Variants in MGMT observed in about 807,000 individuals in gnomAD.
The protein encoded by MGMT is methylated-DNA--protein-cysteine methyltransferase.
In MGMT, 14 loss-of-function variants were observed where a neutral mutation model predicts 15.9. The ratio of observed to expected loss-of-function variants is 0.88; its 90% CI spans 0.58 to 1.37. The LOEUF (loss-of-function observed/expected upper bound fraction) is 1.37, where lower values mean the gene tolerates loss of function less well. Among genes scored for constraint, MGMT ranks in the 40% most tolerant of loss-of-function variants. MGMT has a pLI of 0.00. For missense variants in MGMT, 282 were observed against 268.1 expected (o/e 1.05, Z -0.36); for synonymous variants, 130 against 118.2 (o/e 1.10, Z -0.65).
chr10:129,564,524 C>T (rs1846325798), intron 2 of MGMT, among the ~76,000 whole-genome samples: 1 of 94,180 alleles, frequency 1.1e-5, no homozygotes, highest in Admixed American at 1.0e-4. Flanking sequence ...CCTCCACTTC[C>T]TCATTTTCCT....
intron 1 of MGMT, among the ~76,000 whole-genome samples, chr10:129,528,008 C>T (rs1489176077): frequency 6.6e-6 from 1 of 152,152 alleles, no homozygotes; most frequent in Non-Finnish European, 1.5e-5. Context: ...TCCAGGAAGC[C>T]TTCCTGGACT....
At chr10:129,661,384 C>T (rs189776767) in intron 2 of MGMT, among the ~76,000 whole-genome samples, 56 of 152,156 alleles carry the variant, frequency 3.7e-4, no homozygotes, top group African/African-American at 1.2e-3. Context: ...AAGGCTGTAC[C>T]AACTCATACT....
At chr10:129,617,963 C>T (rs1847047465) in intron 2 of MGMT, among the ~76,000 whole-genome samples, 1 of 151,228 alleles carries the variant, frequency 6.6e-6, no homozygotes, top group Non-Finnish European at 1.5e-5. Flanking sequence ...CATGAACTTG[C>T]TGTGAGGACC....
chr10:129,470,721 C>G (rs1280637609), intron 1 of MGMT, among the ~76,000 whole-genome samples: 1 of 152,180 alleles, frequency 6.6e-6, no homozygotes, highest in Middle Eastern at 3.2e-3. Context: ...CATGCGGATG[C>G]TCTGAATGGT....
intron 2 of MGMT, among the ~76,000 whole-genome samples, chr10:129,537,331 C>T (rs1248619573): frequency 2.0e-5 from 3 of 152,264 alleles, no homozygotes; most frequent in Middle Eastern, 3.4e-3. Context: ...CACTCGCCTC[C>T]GCTGTCGAGA....
intron 3 of MGMT, among the ~76,000 whole-genome samples, chr10:129,716,608 T>C (rs747006710): frequency 3.9e-5 from 6 of 152,204 alleles, no homozygotes; most frequent in Admixed American, 6.5e-5. Flanking sequence ...ATACTTTTCA[T>C]AGAAAATTCG....
intron 1 of MGMT, among the ~76,000 whole-genome samples, chr10:129,511,052 C>T (rs1317589210): frequency 6.7e-6 from 1 of 149,618 alleles, no homozygotes; most frequent in Non-Finnish European, 1.5e-5. Context: ...CAGATGCAGC[C>T]TGGTGCTTCC....
At chr10:129,630,028 C>T (rs1847192352) in intron 2 of MGMT, among the ~76,000 whole-genome samples, 1 of 152,258 alleles carries the variant, frequency 6.6e-6, no homozygotes, top group Non-Finnish European at 1.5e-5. Flanking sequence ...TGTAAAAGAA[C>T]GTCAGGTGGA....
intron 2 of MGMT, among the ~76,000 whole-genome samples, chr10:129,674,745 G>A (rs1290048534): frequency 6.6e-6 from 1 of 152,232 alleles, no homozygotes; most frequent in African/African-American, 2.4e-5. Flanking sequence ...CCTCCCCTGG[G>A]CTCTATCCTG....
At chr10:129,762,973 G>T (rs1251068877) in intron 4 of MGMT, among the ~76,000 whole-genome samples, 2 of 152,144 alleles carry the variant, frequency 1.3e-5, no homozygotes, top group African/African-American at 4.8e-5. Context: ...CTTGTGGGCT[G>T]CTGCCCAGAA....
intron 3 of MGMT, among the ~76,000 whole-genome samples, chr10:129,743,329 T>G (rs369883342): frequency 6.0e-4 from 91 of 152,328 alleles, no homozygotes; most frequent in Middle Eastern, 3.4e-3. Context: ...CCACGTTGAG[T>G]TGGGGCTTTG....
chr10:129,472,961 G>A (rs889445984), intron 1 of MGMT, among the ~76,000 whole-genome samples: 2 of 152,174 alleles, frequency 1.3e-5, no homozygotes, highest in Middle Eastern at 3.2e-3. Flanking sequence ...AGACATTCTC[G>A]ACGTGGCAGC....
At chr10:129,497,937 G>C (rs1771448) in intron 1 of MGMT, among the ~76,000 whole-genome samples, 1 of 152,134 alleles carries the variant, frequency 6.6e-6, no homozygotes, top group East Asian at 1.9e-4. Flanking sequence ...CAGAATGTGC[G>C]AGATGAATTT....
chr10:129,504,250 G>T (rs1845603057), intron 1 of MGMT, among the ~76,000 whole-genome samples: 1 of 152,206 alleles, frequency 6.6e-6, no homozygotes, highest in South Asian at 2.1e-4. Flanking sequence ...AGACAGTTTT[G>T]TTTATTGGAC....
At chr10:129,676,127 T>A (rs1847782764) in intron 2 of MGMT, among the ~76,000 whole-genome samples, 2 of 151,836 alleles carry the variant, frequency 1.3e-5, no homozygotes, top group South Asian at 4.2e-4. Context: ...AGATGGGGAG[T>A]CGGGGTGAAG....
At chr10:129,541,100 A>T (rs537889502) in intron 2 of MGMT, among the ~76,000 whole-genome samples, 1 of 152,170 alleles carries the variant, frequency 6.6e-6, no homozygotes, top group Non-Finnish European at 1.5e-5. Flanking sequence ...CTTCAGTGAC[A>T]TTGCATCTGT....
In MGMT at chr10:129,751,737, T is replaced by G. The variant is rs143713757; in HGVS notation, c.275-7465T>G. Among the ~76,000 whole-genome samples the G allele has an allele frequency of 4.9e-3, 743 of 152,120 alleles. 4 individuals carry two copies. Among genetic ancestry groups the G allele is most frequent in the African/African-American group, 0.017 (710 of 41,576 alleles). On this transcript the variant is annotated intron_variant, in intron 3 of 4. Transcript: ENST00000651593. ...TTTCATTCTGTTCAGTATACTCTTT[T>G]AATTTTCCTTCAGACTTTCTCTTTG...
Position 129,587,299 on chromosome 10 carries a change from A to G in MGMT, c.125+50922A>G, listed in dbSNP as rs991163445. On this transcript the variant is annotated intron_variant, in intron 2 of 4. Coordinates refer to ENST00000651593, the MANE Select transcript of MGMT (RefSeq NM_002412.5). The stretch of plus-strand genomic sequence containing the variant: ...ATTTGTCTGTTTTAAGTTATCCCAC[A>G]GTTCTCTAATATTGTGATTTTTTTG... Among the ~76,000 whole-genome samples, 6 of 149,630 alleles carry G rather than the reference A, an allele frequency of 4.0e-5. No homozygotes were observed. In the East Asian group the frequency reaches 1.2e-3, roughly 30 times the overall value.
intron 2 of MGMT, among the ~76,000 whole-genome samples, chr10:129,650,593 T>C (rs79720121): frequency 0.032 from 4,824 of 152,260 alleles, 187 homozygotes; most frequent in African/African-American, 0.09. Flanking sequence ...GGTTGGCTCT[T>C]ACTGAACATG....
Sources: gnomAD v4.1 joint callset for allele counts (sites outside exome capture counted in the v4.1 genomes callset) on GRCh38, gnomAD v4.1.1 for gene constraint, MANE v1.5 for transcripts, NCBI Gene and HGNC (gene_info 2026-07-23, HGNC 2026-07-21) for gene names.